Variants in CCL23 observed in about 807,000 individuals in gnomAD.
CCL23 encodes C-C motif chemokine 23.
Under a neutral mutation model 11.8 loss-of-function variants are expected in CCL23, and 10 were observed. The ratio of observed to expected loss-of-function variants is 0.84; its 90% CI spans 0.52 to 1.43. The LOEUF (loss-of-function observed/expected upper bound fraction) is 1.43, where lower values mean the gene tolerates loss of function less well. CCL23 is among the 40% of genes most tolerant of loss of function. The probability of loss-of-function intolerance (pLI) is 0.00; values close to 1 mark genes in which losing one functional copy is unlikely to be tolerated. For synonymous variants in CCL23, 60 were observed against 61.0 expected (o/e 0.98, Z 0.07); for missense variants, 181 against 170.9 (o/e 1.06, Z -0.33).
chr17:36,016,578 G>A (rs1407366228), intron 1 of CCL23, among the ~76,000 whole-genome samples: 2 of 152,006 alleles, frequency 1.3e-5, no homozygotes, highest in Admixed American at 6.6e-5. Context: ...TATCATTGAT[G>A]GGCATTTGGG....
chr17:36,017,437 A>T (rs2090105825), intron 1 of CCL23, among the ~76,000 whole-genome samples: 1 of 152,138 alleles, frequency 6.6e-6, no homozygotes, highest in Non-Finnish European at 1.5e-5. Flanking sequence ...TCTTCTCCAA[A>T]ATGATATGAT....
rs1194592964 is a variant in CCL23, at chr17:36,014,973, T to A, written c.77-580A>T. Among the ~76,000 whole-genome samples, 7 of 148,370 alleles carry A rather than the reference T, an allele frequency of 4.7e-5. No homozygotes were observed. The East Asian group carries it at 1.2e-3, about 25-fold the overall frequency. On this transcript the variant is annotated intron_variant, in intron 1 of 3. Coordinates refer to ENST00000615050, the MANE Select transcript of CCL23 (RefSeq NM_005064.6). ...AATCGTGGTTATATATATATATATA[T>A]AACGTAAAATTTGCCATTTGAACTA...
intron 3 of CCL23, chr17:36,013,522 T>C (rs1030104418): frequency 3.2e-6 from 2 of 618,898 alleles, no homozygotes; most frequent in African/African-American, 3.7e-5. Flanking sequence ...GGGAGCATCC[T>C]TGGGCAGACT....
At chr17:36,016,136 A>G (rs2090096248) in intron 1 of CCL23, among the ~76,000 whole-genome samples, 1 of 151,652 alleles carries the variant, frequency 6.6e-6, no homozygotes, top group African/African-American at 2.4e-5. Context: ...TATTAAATAG[A>G]CTTTTTCTTT....
At chr17:36,014,792 A>C (rs762594334) in intron 1 of CCL23, among the ~76,000 whole-genome samples, 1 of 152,280 alleles carries the variant, frequency 6.6e-6, no homozygotes, top group South Asian at 2.1e-4. Flanking sequence ...CTTTAAGTGA[A>C]GTGCAGCTAT....
Position 36,014,375 on chromosome 17 carries a change from A to C in CCL23, c.95T>G (p.Met32Arg). Reference protein sequence around the residue: ...RVTKDAETEFMMSKLPLENPV... With the variant: ...RVTKDAETEFRMSKLPLENPV... ...ATTTTCCAATGGAAGCTTTGACATC[A>C]TGAACTCTGTCTCTGCATCTGGAAG... Residue 32 changes from methionine (M) to arginine (R), a missense_variant, in exon 2 of 4, where the codon ATG becomes AGG. Coordinates refer to ENST00000615050, the MANE Select transcript of CCL23 (RefSeq NM_005064.6). 3.1e-6 allele frequency: 5 copies of C among 1,613,504 alleles called. No individual in the cohort carries two copies. The highest frequency in any genetic ancestry group is 4.2e-6 in the Non-Finnish European group (5 of 1,179,374).
intron 3 of CCL23, 64 bp from the exon 4 acceptor site, chr17:36,013,372 C>T (rs1346193303): frequency 1.0e-6 from 1 of 970,524 alleles, no homozygotes; most frequent in African/African-American, 1.6e-5. Flanking sequence ...GACAGGGGGC[C>T]CCATTCTCCC....
At chr17:36,016,036 T>C (rs912513694) in intron 1 of CCL23, among the ~76,000 whole-genome samples, 14 of 151,520 alleles carry the variant, frequency 9.2e-5, no homozygotes, top group African/African-American at 3.4e-4. Context: ...AGAATGAGAC[T>C]CCAACTCAAA....
At chr17:36,015,425 A>G (rs529309392) in intron 1 of CCL23, among the ~76,000 whole-genome samples, 1 of 152,270 alleles carries the variant, frequency 6.6e-6, no homozygotes, top group Admixed American at 6.5e-5. Flanking sequence ...GTTTGCTTCT[A>G]CTTTTTGGCT....
At chr17:36,017,721 C>A in intron 1 of CCL23, 101 bp downstream of exon 1, 2 of 1,067,076 alleles carry the variant, frequency 1.9e-6, no homozygotes, top group Non-Finnish European at 2.8e-6. Context: ...ACCATGACCA[C>A]GTCTGGGATG....
intron 1 of CCL23, among the ~76,000 whole-genome samples, chr17:36,015,807 C>T (rs772969273): frequency 1.3e-4 from 19 of 151,886 alleles, no homozygotes; most frequent in Non-Finnish European, 2.1e-4. Context: ...GAGGCCAAGG[C>T]GGGCGGATCA....
At chr17:36,013,954 C>G in intron 2 of CCL23, 45 bp from the exon 3 acceptor site, 1 of 1,582,780 alleles carries the variant, frequency 6.3e-7, no homozygotes, top group South Asian at 1.1e-5. Context: ...GATGTTTCCT[C>G]CTCCGTGACC....
chr17:36,013,806 G>C lies in CCL23; in HGVS notation c.240C>G (p.Ile80Met), dbSNP rs182352077. 6 of 1,614,222 alleles carry C rather than the reference G, an allele frequency of 3.7e-6. No homozygotes were observed. In the Admixed American group the frequency reaches 8.3e-5, roughly 22 times the overall value. Residue 80 changes from isoleucine (I) to methionine (M), a missense_variant, in exon 3 of 4, where the codon ATC (isoleucine) becomes ATG (methionine). Transcript: ENST00000615050. ...AGTAACTCTCCAGGAGTGAACACGG[G>C]ATGCTTCGTGGGGTGTAGGAGATGC... ...DCCISYTPRS[I>M]PCSLLESYFE...
rs775324515 is a variant in CCL23, at chr17:36,013,212, C to T, written c.399G>A (p.Lys133=). 4.3e-6 allele frequency: 7 copies of T among 1,611,076 alleles called. No homozygotes were observed. In the Admixed American group the frequency reaches 1.2e-4, roughly 27 times the overall value. The change falls in exon 4 of 4, where the codon AAG becomes AAA. Residue 133 remains lysine (K), a synonymous_variant. Transcript: ENST00000615050. ...MRMLKLDTRI[K]TRKN ...CTTGACAAGTTCAATTCTTCCTGGT[C>T]TTGATCCGTGTGTCCAGCTTCAGCA...
intron 3 of CCL23, 21 bp from the exon 4 acceptor site, chr17:36,013,329 A>G (rs760239235): frequency 6.5e-7 from 1 of 1,534,462 alleles, no homozygotes; most frequent in African/African-American, 1.4e-5. Context: ...AGGGGGAGAA[A>G]AGTTACAAAC....
rs770031075 is a variant in CCL23 at position 36,017,808 on chromosome 17, C to G, written c.76+14G>C. 1 of 1,613,624 alleles carries G rather than the reference C, an allele frequency of 6.2e-7. No individual in the cohort carries two copies. The highest frequency in any genetic ancestry group is 8.5e-7 in the Non-Finnish European group (1 of 1,179,578). Reference sequence around the variant, plus strand: ...ATGAACCTGGTCATCTGAGAGAAAGCTCACTGGACTCACCTTTTGTGACCC... The same window carrying G: ...ATGAACCTGGTCATCTGAGAGAAAGGTCACTGGACTCACCTTTTGTGACCC... On this transcript the variant is annotated intron_variant, in intron 1 of 3. Transcript: ENST00000615050.
At chr17:36,014,989 A>G (rs1278472832) in intron 1 of CCL23, among the ~76,000 whole-genome samples, 1 of 152,128 alleles carries the variant, frequency 6.6e-6, no homozygotes, top group African/African-American at 2.4e-5. Flanking sequence ...AAAATTTGCC[A>G]TTTGAACTAT....
intron 3 of CCL23, 177 bp downstream of exon 3, chr17:36,013,567 C>G: frequency 1.5e-6 from 1 of 646,740 alleles, no homozygotes; most frequent in African/African-American, 1.8e-5. Flanking sequence ...CCACCCTTTT[C>G]CCCCTGGGAG....
intron 3 of CCL23, 96 bp downstream of exon 3, chr17:36,013,648 G>T: frequency 8.2e-7 from 1 of 1,212,134 alleles, no homozygotes; most frequent in African/African-American, 1.5e-5. Flanking sequence ...GGATCCAGAG[G>T]GTGGGCCCTG....
Sources: gnomAD v4.1 joint callset for allele counts (sites outside exome capture counted in the v4.1 genomes callset) on GRCh38, gnomAD v4.1.1 for gene constraint, MANE v1.5 for transcripts, NCBI Gene and HGNC (gene_info 2026-07-23, HGNC 2026-07-21) for gene names.